Variants in CADPS observed in about 807,000 individuals in gnomAD.
CADPS encodes calcium-dependent secretion activator 1.
A neutral mutation model predicts 167.3 loss-of-function variants in CADPS; 57 were observed. That is an observed-to-expected ratio of 0.34 (90% CI 0.28 to 0.42). CADPS has a LOEUF of 0.42. Among genes scored for constraint, CADPS ranks in the 20% least tolerant of loss-of-function variants. The pLI is 1.00. For synonymous variants in CADPS, 676 were observed against 635.3 expected (o/e 1.06, Z -0.96); for missense variants, 1,414 against 1,738.1 (o/e 0.81, Z 3.32).
chr3:62,874,508 T>G lies in CADPS; in HGVS notation c.441+81A>C, dbSNP rs2083292756. The G allele has an allele frequency of 8.1e-6, 9 of 1,111,720 alleles. No individual in the cohort carries two copies. The highest frequency in any genetic ancestry group is 1.2e-5 in the Non-Finnish European group (9 of 767,604). The allele number at this position is 1,111,720 out of a possible 1,614,324, so 68.9% of individuals were successfully genotyped here. On this transcript the variant is annotated intron_variant, in intron 1 of 29. Coordinates refer to ENST00000383710, the MANE Select transcript of CADPS (RefSeq NM_003716.4). This position sits in a 1 kb window ranked among gnomAD's most constrained non-coding sequence, Gnocchi z 7.1. ...ACCTCTCCTGCTCCTCCTCGCCAGC[T>G]GCGCCGCCAGCTCCCATTGTTCACC... is the stretch of plus-strand genomic sequence containing the variant.
At chr3:62,709,925 A>T (rs1580891208) in intron 3 of CADPS, among the ~76,000 whole-genome samples, 1 of 151,406 alleles carries the variant, frequency 6.6e-6, no homozygotes, top group East Asian at 1.9e-4. Context: ...GCCTGCCACC[A>T]CACCTGGCTA....
At chr3:62,774,335 A>G (rs955135425) in intron 1 of CADPS, among the ~76,000 whole-genome samples, 3 of 152,044 alleles carry the variant, frequency 2.0e-5, no homozygotes, top group Admixed American at 6.6e-5. Context: ...GTTAAAAAAA[A>G]AAACGTACTT....
chr3:62,406,847 T>C (rs1361303860), intron 28 of CADPS, among the ~76,000 whole-genome samples: 3 of 152,188 alleles, frequency 2.0e-5, no homozygotes, highest in Admixed American at 1.3e-4. Context: ...AAGGCTCTAT[T>C]TAAAAGAAGC....
intron 13 of CADPS, among the ~76,000 whole-genome samples, chr3:62,525,744 A>C: frequency 6.7e-6 from 1 of 149,894 alleles, no homozygotes; most frequent in African/African-American, 2.5e-5. Context: ...CACGGGTATG[A>C]GAAAGAGAGA....
chr3:62,826,886 G>A (rs1317077507), intron 1 of CADPS, among the ~76,000 whole-genome samples: 1 of 152,182 alleles, frequency 6.6e-6, no homozygotes, highest in African/African-American at 2.4e-5. Flanking sequence ...AGGTTGTGGG[G>A]AAAAGATCTT....
intron 12 of CADPS, 37 bp downstream of exon 12, chr3:62,536,408 T>G: frequency 6.4e-7 from 1 of 1,568,396 alleles, no homozygotes; most frequent in Non-Finnish European, 8.7e-7. Context: ...AAAAAAATGT[T>G]ATGTTTAAAT....
intron 1 of CADPS, among the ~76,000 whole-genome samples, chr3:62,865,883 A>T (rs1401305458): frequency 1.3e-5 from 2 of 152,078 alleles, no homozygotes; most frequent in Non-Finnish European, 2.9e-5. Flanking sequence ...AAGTAGAGAA[A>T]ATGAGCACAT....
chr3:62,553,679 G>A (rs1483224683), intron 10 of CADPS, among the ~76,000 whole-genome samples: 1 of 152,198 alleles, frequency 6.6e-6, no homozygotes, highest in Middle Eastern at 3.2e-3. Context: ...GAGAGCAACA[G>A]GGCTTTTTCA....
intron 6 of CADPS, among the ~76,000 whole-genome samples, chr3:62,642,753 T>TA (rs1252761612): frequency 6.6e-6 from 1 of 151,818 alleles, no homozygotes; most frequent in Non-Finnish European, 1.5e-5. Flanking sequence ...TACAAAAACA[T>TA]ACAAAAATTA....
chr3:62,832,655 C>G (rs766773288), intron 1 of CADPS, among the ~76,000 whole-genome samples: 1 of 152,206 alleles, frequency 6.6e-6, no homozygotes, highest in Admixed American at 6.5e-5. Context: ...ATCTATTTAA[C>G]GCTGCCTCTC....
At chr3:62,463,525 A>T (rs2059616714) in intron 26 of CADPS, among the ~76,000 whole-genome samples, 1 of 152,180 alleles carries the variant, frequency 6.6e-6, no homozygotes, top group Non-Finnish European at 1.5e-5. Flanking sequence ...TTCTTTATGA[A>T]TCTTCCCCAC....
chr3:62,826,145 G>A (rs1206119040), intron 1 of CADPS, among the ~76,000 whole-genome samples: 5 of 152,164 alleles, frequency 3.3e-5, no homozygotes, highest in Non-Finnish European at 5.9e-5. Context: ...GGAGGCAGAT[G>A]ACAGTCAGTT....
chr3:62,447,855 T>C (rs1000793506), intron 26 of CADPS, among the ~76,000 whole-genome samples: 2 of 152,208 alleles, frequency 1.3e-5, no homozygotes, highest in African/African-American at 4.8e-5. Context: ...TGCTAGAACT[T>C]AGTTCAGGAA....
intron 28 of CADPS, among the ~76,000 whole-genome samples, chr3:62,417,279 T>C (rs1410576472): frequency 0.013 from 1,294 of 101,730 alleles, 366 homozygotes; most frequent in African/African-American, 0.037. Context: ...TTTTACTCTT[T>C]TTTTTTTTTT....
chr3:62,739,360 G>A (rs1393612216), intron 3 of CADPS, among the ~76,000 whole-genome samples: 2 of 152,178 alleles, frequency 1.3e-5, no homozygotes, highest in African/African-American at 4.8e-5. Context: ...GCCCAGCCAA[G>A]ACCATAAGAA....
intron 3 of CADPS, among the ~76,000 whole-genome samples, chr3:62,696,032 G>A (rs915333312): frequency 6.6e-6 from 1 of 152,092 alleles, no homozygotes; most frequent in African/African-American, 2.4e-5. Context: ...TCAGTTATCA[G>A]GGAAACTTCA....
chr3:62,796,489 C>T (rs950758426), intron 1 of CADPS: 4 of 152,026 alleles, frequency 2.6e-5, no homozygotes, highest in Non-Finnish European at 4.4e-5. Context: ...GCAATTTGCA[C>T]CTGGTCAAGT....
At chr3:62,677,660 G>A (rs1260981917) in intron 3 of CADPS, among the ~76,000 whole-genome samples, 2 of 152,080 alleles carry the variant, frequency 1.3e-5, no homozygotes, top group East Asian at 3.9e-4. Context: ...TCTCAGGAAA[G>A]TAAGATGTTT....
chr3:62,642,915 G>GACAAAAA (rs566542829), intron 6 of CADPS, among the ~76,000 whole-genome samples: 8 of 146,886 alleles, frequency 5.4e-5, no homozygotes, highest in Non-Finnish European at 8.9e-5. Flanking sequence ...TATCTCAAAA[G>GACAAAAA]ACAAAACAAA....
Sources: allele counts gnomAD v4.1 joint callset (sites outside exome capture counted in the v4.1 genomes callset), GRCh38; gene constraint gnomAD v4.1.1; non-coding constraint Gnocchi (gnomAD v3.1); transcripts MANE v1.5; gene names NCBI Gene and HGNC (gene_info 2026-07-23, HGNC 2026-07-21).